ADA: variants seen among roughly 807,000 people sequenced by gnomAD.
ADA encodes the protein adenosine deaminase.
A neutral mutation model predicts 49.0 loss-of-function variants in ADA; 45 were observed. The observed-to-expected ratio is 0.92, with a 90% confidence interval of 0.72 to 1.18. The LOEUF is 1.18. ADA is among the 50% of genes most tolerant of loss of function. The pLI is 0.00. For synonymous variants in ADA, 173 were observed against 184.2 expected, an observed-to-expected ratio of 0.94 and a Z score of 0.49; for missense variants, 445 against 472.5, an observed-to-expected ratio of 0.94 and a Z score of 0.54.
chr20:44,619,741 T>C lies in ADA; in HGVS notation c.*93A>G. The C allele has an allele frequency of 6.6e-7, 1 of 1,520,790 alleles. No homozygotes were observed. The highest frequency in any genetic ancestry group is 9.1e-7 in the Non-Finnish European group (1 of 1,095,868). The allele number at this position is 1,520,790 out of a possible 1,614,324, so 94.2% of individuals were successfully genotyped here. A position where few individuals can be genotyped will look rare whatever the true frequency, so the allele number is the denominator to read the frequency against. The stretch of plus-strand genomic sequence containing the variant: ...CATCAGTAACTGACTATTGAGATCA[T>C]GGTCTTCTTGGAAGGAATAAATGTA... On this transcript the variant is annotated 3_prime_UTR_variant, in exon 12 of 12. Coordinates refer to ENST00000372874, the MANE Select transcript of ADA (RefSeq NM_000022.4).
At chr20:44,620,137 A>T (rs1187681304) in intron 11 of ADA, among the ~76,000 whole-genome samples, 162 bp downstream of exon 11, 1 of 152,182 alleles carries the variant, frequency 6.6e-6, no homozygotes, top group African/African-American at 2.4e-5. Context: ...AAACAAACCG[A>T]TCTAATGAGA....
At chr20:44,634,753 C>T (rs1255864278) in intron 2 of ADA, among the ~76,000 whole-genome samples, 1 of 152,246 alleles carries the variant, frequency 6.6e-6, no homozygotes, top group Non-Finnish European at 1.5e-5. Flanking sequence ...AGAAATCTCT[C>T]AGGGAGTTGG....
At position 44,636,278 on chromosome 20, in the gene ADA, T is replaced by G. The variant is rs1209280928; in HGVS notation, c.44A>C (p.His15Pro). 1.9e-6 allele frequency: 3 copies of G among 1,608,374 alleles called. No individual in the cohort carries two copies. In the East Asian group the frequency reaches 6.7e-5, roughly 36 times the overall value. The change falls in exon 2 of 12, where the codon CAT (histidine) becomes CCT (proline). Residue 15 changes from histidine (H) to proline (P), a missense_variant. By Grantham distance (77) the His-to-Pro change is moderately conservative (BLOSUM62 -2). Transcript: ENST00000372874. ...PAFDKPKVELHVHLDGSIKPE... is the reference protein window; with the variant it reads ...PAFDKPKVELPVHLDGSIKPE... ...CTTGATGGATCCGTCTAGGTGGACA[T>G]GCAGTTCCACCTGCAAGGGGGCAGG...
intron 3 of ADA, among the ~76,000 whole-genome samples, chr20:44,628,058 T>G (rs2065398844): frequency 6.6e-6 from 1 of 151,902 alleles, no homozygotes; most frequent in Non-Finnish European, 1.5e-5. Flanking sequence ...AACGGTGGAC[T>G]GTGCTTAGCT....
chr20:44,636,562 G>A (rs6103792), intron 1 of ADA, among the ~76,000 whole-genome samples: 5 of 152,214 alleles, frequency 3.3e-5, no homozygotes, highest in Non-Finnish European at 7.4e-5. Flanking sequence ...TCTCATCCAA[G>A]GCCACACAGA....
At chr20:44,631,765 A>G (rs866372542) in intron 2 of ADA, among the ~76,000 whole-genome samples, 20 of 152,236 alleles carry the variant, frequency 1.3e-4, no homozygotes, top group Middle Eastern at 3.4e-3. Context: ...AGAGGTCCAC[A>G]GCTTCTAATT....
chr20:44,625,888 G>A (rs938131440), intron 4 of ADA, among the ~76,000 whole-genome samples: 16 of 152,312 alleles, frequency 1.1e-4, no homozygotes, highest in African/African-American at 3.8e-4. Flanking sequence ...GGTGCTCCTA[G>A]ATCTTAGTGG....
In ADA at chr20:44,624,269, A is replaced by G. The variant is rs1421855638; in HGVS notation, c.539T>C (p.Ile180Thr). ...KKYQQQTVVAIDLAGDETIPG... is the reference protein window; with the variant it reads ...KKYQQQTVVATDLAGDETIPG... Reference sequence around the variant, plus strand: ...GATGGTCTCATCTCCAGCCAGGTCAATGGCTACCACGGTCTGCTGCTGGTA... The same window carrying G: ...GATGGTCTCATCTCCAGCCAGGTCAGTGGCTACCACGGTCTGCTGCTGGTA... The change falls in exon 6 of 12, where the codon ATT (isoleucine) becomes ACT (threonine). Residue 180 changes from isoleucine to threonine, a missense_variant. By Grantham distance (89) the Ile-to-Thr change is moderately conservative. Transcript: ENST00000372874. 5.6e-6 allele frequency: 9 copies of G among 1,613,924 alleles called. No individual in the cohort carries two copies. In the South Asian group the frequency reaches 6.6e-5, roughly 12 times the overall value.
intron 5 of ADA, 142 bp from the exon 6 acceptor site, chr20:44,624,471 G>C: frequency 1.7e-6 from 2 of 1,153,874 alleles, no homozygotes; most frequent in South Asian, 2.5e-5. Context: ...TAACTGCTAT[G>C]TCCTAACCAC....
At chr20:44,639,361 G>A (rs910805678) in intron 1 of ADA, among the ~76,000 whole-genome samples, 3 of 151,760 alleles carry the variant, frequency 2.0e-5, no homozygotes, top group African/African-American at 7.3e-5. Flanking sequence ...GAGGATGCGG[G>A]GGAGGGAGGC....
At chr20:44,650,545 A>G (rs1195203843) in intron 1 of ADA, among the ~76,000 whole-genome samples, 3 of 152,120 alleles carry the variant, frequency 2.0e-5, no homozygotes, top group African/African-American at 7.2e-5. Context: ...CTCCCGCCTC[A>G]GCCTCCTGAG....
At chr20:44,621,949 C>T (rs1253595942) in intron 9 of ADA, among the ~76,000 whole-genome samples, 1 of 152,228 alleles carries the variant, frequency 6.6e-6, no homozygotes. Context: ...ATCAGAACAT[C>T]AGAGCCGAAG....
At chr20:44,621,731 G>T (rs144645703) in intron 9 of ADA, among the ~76,000 whole-genome samples, 9 of 152,202 alleles carry the variant, frequency 5.9e-5, no homozygotes, top group Middle Eastern at 3.4e-3. Context: ...TGTCTCTTTT[G>T]CTGGTCCCTT....
At chr20:44,647,918 C>T (rs920127865) in intron 1 of ADA, among the ~76,000 whole-genome samples, 13 of 151,804 alleles carry the variant, frequency 8.6e-5, no homozygotes, top group African/African-American at 2.9e-4. Context: ...CTGCGGCACA[C>T]GCCTGTAGTC....
intron 1 of ADA, among the ~76,000 whole-genome samples, chr20:44,639,174 T>G (rs1370464004): frequency 3.3e-5 from 5 of 152,066 alleles, no homozygotes; most frequent in African/African-American, 4.8e-5. Context: ...CTGCAGCCAT[T>G]TGAAAGATGA....
intron 1 of ADA, among the ~76,000 whole-genome samples, chr20:44,641,076 A>G (rs904597265): frequency 2.7e-4 from 41 of 152,210 alleles, no homozygotes; most frequent in African/African-American, 9.4e-4. Context: ...TCACATGGTC[A>G]GGCCCTGCTG....
intron 5 of ADA, among the ~76,000 whole-genome samples, chr20:44,624,937 A>C (rs2065368049): frequency 6.6e-6 from 1 of 152,242 alleles, no homozygotes; most frequent in African/African-American, 2.4e-5. Flanking sequence ...GGGACTAAGC[A>C]ATGGTAGTTC....
At chr20:44,623,892 C>T (rs1170204599) in intron 6 of ADA, 14 of 425,884 alleles carry the variant, frequency 3.3e-5, no homozygotes, top group Non-Finnish European at 1.4e-5. Flanking sequence ...GGACTACAGG[C>T]ATGCACCACC....
chr20:44,626,010 A>G (rs2065379241), intron 4 of ADA, among the ~76,000 whole-genome samples: 1 of 152,176 alleles, frequency 6.6e-6, no homozygotes, highest in Non-Finnish European at 1.5e-5. Context: ...GGCTCAGAAA[A>G]TGGGGCAGGG....
Sources: allele counts gnomAD v4.1 joint callset (sites outside exome capture counted in the v4.1 genomes callset), GRCh38; gene constraint gnomAD v4.1.1; transcripts MANE v1.5; gene names NCBI Gene and HGNC (gene_info 2026-07-23, HGNC 2026-07-21).